The following DMD variants were observed in gnomAD, a reference collection of about 807,000 sequenced individuals.
DMD encodes the protein mutant dystrophin.
DMD carries 63 observed loss-of-function variants against 330.1 expected under a neutral mutation model. The observed-to-expected ratio is 0.19, with a 90% CI of 0.16 to 0.24. DMD has a LOEUF of 0.24. DMD is among the 10% of genes least tolerant of loss of function. DMD has a pLI of 1.00. For synonymous variants in DMD, 1,223 were observed against 959.8 expected, an observed-to-expected ratio of 1.27 and a Z score of -5.07; for missense variants, 3,344 against 2,684.1, an observed-to-expected ratio of 1.25 and a Z score of -5.43.
chrX:31,343,200 A>G (rs2057864707), intron 61 of DMD, among the ~76,000 whole-genome samples: 1 of 111,915 alleles, frequency 8.9e-6, no homozygotes, highest in Non-Finnish European at 1.9e-5. Context: ...CCAATTATAC[A>G]TATATAACTA....
chrX:33,338,072 A>G (rs1193559042), intron 1 of DMD, among the ~76,000 whole-genome samples: 1 of 112,158 alleles, frequency 8.9e-6, no homozygotes, highest in Admixed American at 9.5e-5. Context: ...ACACTTAGGA[A>G]AATCTATTTC....
chrX:32,033,221 C>G (rs1048603859), intron 44 of DMD, among the ~76,000 whole-genome samples: 1 of 110,735 alleles, frequency 9.0e-6, no homozygotes, highest in Admixed American at 9.6e-5. Context: ...TTGCCAGGGG[C>G]TGGGGATAGG....
At chrX:32,152,398 G>A (rs1471605600) in intron 44 of DMD, among the ~76,000 whole-genome samples, 2 of 111,126 alleles carry the variant, frequency 1.8e-5, no homozygotes, top group South Asian at 3.8e-4. Flanking sequence ...ATCTCCCATC[G>A]GATCATAGTG....
At chrX:31,816,381 A>G (rs893445519) in intron 50 of DMD, among the ~76,000 whole-genome samples, 5 of 111,463 alleles carry the variant, frequency 4.5e-5, no homozygotes, top group African/African-American at 1.6e-4. Context: ...CTCAGCTTCT[A>G]CATCTATAAA....
intron 26 of DMD, among the ~76,000 whole-genome samples, chrX:32,452,445 GGAAA>G (rs1282296794): frequency 0.01 from 48 of 4,715 alleles, 5 homozygotes; most frequent in Admixed American, 0.022. Context: ...GAAAGGGAAA[GGAAA>G]GGAAAGGAAA....
intron 26 of DMD, among the ~76,000 whole-genome samples, chrX:32,454,055 A>G (rs1251873376): frequency 9.0e-6 from 1 of 110,603 alleles, no homozygotes; most frequent in African/African-American, 3.3e-5. Flanking sequence ...TTGTTGCCCA[A>G]GGCCATACGA....
At chrX:31,601,690 C>T (rs56248149) in intron 55 of DMD, among the ~76,000 whole-genome samples, 7,885 of 109,876 alleles carry the variant, frequency 0.072, 331 homozygotes, top group Admixed American at 0.18. Flanking sequence ...GTGTATGCTA[C>T]GAAAAAAATA....
At chrX:32,203,513 A>G (rs2097050348) in intron 44 of DMD, among the ~76,000 whole-genome samples, 1 of 112,375 alleles carries the variant, frequency 8.9e-6, no homozygotes, top group South Asian at 3.7e-4. Flanking sequence ...CCTGTAGGGA[A>G]CCATGTCTTA....
chrX:31,656,035 G>C (rs929294558), intron 54 of DMD, among the ~76,000 whole-genome samples: 2 of 111,948 alleles, frequency 1.8e-5, no homozygotes, highest in African/African-American at 6.5e-5. Flanking sequence ...AAACTCAAAA[G>C]ATCATTCTCA....
At chrX:31,750,448 T>C (rs1366493841) in intron 51 of DMD, among the ~76,000 whole-genome samples, 2 of 110,542 alleles carry the variant, frequency 1.8e-5, no homozygotes. Flanking sequence ...AAAGATCAGA[T>C]AGTGGTAGAT....
chrX:33,158,076 T>A, intron 1 of DMD, among the ~76,000 whole-genome samples: 1 of 112,287 alleles, frequency 8.9e-6, no homozygotes. Flanking sequence ...CATAGCTCAT[T>A]TAGATCAGGC....
intron 51 of DMD, among the ~76,000 whole-genome samples, chrX:31,748,785 C>T (rs887438336): frequency 9.0e-6 from 1 of 111,593 alleles, no homozygotes; most frequent in African/African-American, 3.3e-5. Context: ...GTACTTACAC[C>T]CTTTTATAGA....
rs181992348 is a variant in DMD, at chrX:32,093,913, C to T, written c.6438+123003G>A. On this transcript the variant is annotated intron_variant, in intron 44 of 78. Transcript: ENST00000357033. ...ATTAGTTTAAAATGTCATTTTAACC[C>T]TCCTTTAAAAAAAAAAGCTTATCTA... Among the ~76,000 whole-genome samples, 35 of 109,941 alleles carry T rather than the reference C, an allele frequency of 3.2e-4. No homozygotes were observed. In the Admixed American group the frequency reaches 3.3e-3, roughly 10 times the overall value.
chrX:31,524,664 T>TA (rs1415657545), intron 55 of DMD, among the ~76,000 whole-genome samples: 2 of 112,127 alleles, frequency 1.8e-5, no homozygotes, highest in Non-Finnish European at 3.8e-5. Context: ...GAACATGCGT[T>TA]AGACTTCTGC....
At chrX:32,949,290 A>ACG (rs1491114938) in intron 2 of DMD, among the ~76,000 whole-genome samples, 1 of 99,764 alleles carries the variant, frequency 1.0e-5, no homozygotes. Context: ...ACACACACAC[A>ACG]CGCACACATA....
intron 1 of DMD, among the ~76,000 whole-genome samples, chrX:33,033,902 G>T (rs1223995864): frequency 8.9e-6 from 1 of 111,890 alleles, no homozygotes; most frequent in Non-Finnish European, 1.9e-5. Context: ...TCGAAAAACA[G>T]CATTTTAAGT....
chrX:32,166,532 C>T (rs1039888583), intron 44 of DMD, among the ~76,000 whole-genome samples: 26 of 111,840 alleles, frequency 2.3e-4, no homozygotes, highest in African/African-American at 8.4e-4. Flanking sequence ...TTTCTCTTTT[C>T]TTCTTAACAC....
intron 5 of DMD, among the ~76,000 whole-genome samples, chrX:32,818,992 C>T (rs2077988303): frequency 9.9e-6 from 1 of 101,154 alleles, no homozygotes; most frequent in East Asian, 3.1e-4. Flanking sequence ...GTCACCTCTG[C>T]CCTTCTACAG....
intron 47 of DMD, among the ~76,000 whole-genome samples, chrX:31,912,560 G>T (rs1465997754): frequency 8.9e-6 from 1 of 112,089 alleles, no homozygotes; most frequent in Non-Finnish European, 1.9e-5. Flanking sequence ...GCAAAAATGT[G>T]TTGACTGTAA....
Sources: allele counts gnomAD v4.1 joint callset (sites outside exome capture counted in the v4.1 genomes callset), GRCh38; gene constraint gnomAD v4.1.1; transcripts MANE v1.5; gene names NCBI Gene and HGNC (gene_info 2026-07-23, HGNC 2026-07-21).